COLEC12: variants seen among roughly 807,000 people sequenced by gnomAD.
COLEC12 encodes the protein collectin-12.
Under a neutral mutation model 71.1 loss-of-function variants are expected in COLEC12, and 33 were observed. The observed-to-expected ratio is 0.46, with a 90% CI of 0.35 to 0.62. The LOEUF is 0.62. Ranked by LOEUF, COLEC12 falls within the 20% of genes least tolerant of loss-of-function variation. COLEC12 has a pLI of 0.00. For missense variants in COLEC12, 765 were observed against 916.1 expected (o/e 0.84, Z 2.13); for synonymous variants, 350 against 353.0 (o/e 0.99, Z 0.10).
rs755623915 is a variant in COLEC12, at chr18:346,487, T to C, written c.1135A>G (p.Thr379Ala). The change falls in exon 5 of 10, where the codon ACA becomes GCA. Residue 379 changes from threonine to alanine, a missense_variant. Transcript: ENST00000400256. This position sits in a 1 kb window ranked among gnomAD's most constrained non-coding sequence, Gnocchi z 4.0. ...TTATTCAAGGAGGTCAGATCATCTG[T>C]GTGTTTGGTAAGGGTATCTGTGCAA... ...TTCTDTLTKH[T>A]DDLTSLNNTL... The C allele has an allele frequency of 9.3e-6, 15 of 1,614,124 alleles. 1 individual carries two copies. In the Admixed American group the frequency reaches 1.0e-4, roughly 11 times the overall value.
In COLEC12 at chr18:500,275, G is replaced by A. The variant is rs372455567; in HGVS notation, c.7+233C>T. Among the ~76,000 whole-genome samples the A allele has an allele frequency of 6.6e-6, 1 of 152,180 alleles. No individual in the cohort carries two copies. The highest frequency in any genetic ancestry group is 1.9e-4 in the East Asian group (1 of 5,166). On this transcript the variant is annotated intron_variant, in intron 1 of 9. Transcript: ENST00000400256. This position sits in a 1 kb window ranked among gnomAD's most constrained non-coding sequence, Gnocchi z 5.3. ...AAACTACTTGCAAAGACGCGATGGG[G>A]AGGGGAATACTTGCGCGCTTCAAAA...
At chr18:368,723 G>A (rs532795531) in intron 2 of COLEC12, among the ~76,000 whole-genome samples, 27 of 152,158 alleles carry the variant, frequency 1.8e-4, no homozygotes, top group Non-Finnish European at 2.2e-4. Flanking sequence ...AAAATTAGCC[G>A]GGCGTGGTGG....
intron 2 of COLEC12, among the ~76,000 whole-genome samples, chr18:364,461 C>T (rs1457034308): frequency 6.6e-6 from 1 of 152,200 alleles, no homozygotes; most frequent in African/African-American, 2.4e-5. Flanking sequence ...GTTGTCTCTC[C>T]TAGCTGGCCC....
At chr18:481,865 G>A (rs1917423584) in intron 1 of COLEC12, among the ~76,000 whole-genome samples, 2 of 152,232 alleles carry the variant, frequency 1.3e-5, no homozygotes, top group South Asian at 4.1e-4. Flanking sequence ...CAAGCACTGT[G>A]CAGACACAAT....
rs1301782455 is a variant in COLEC12, at chr18:346,947, C to A, written c.675G>T (p.Arg225=). The A allele has an allele frequency of 1.2e-6, 2 of 1,614,190 alleles. No individual in the cohort carries two copies. The highest frequency in any genetic ancestry group is 8.5e-7 in the Non-Finnish European group (1 of 1,180,016). ...TAGCCTGGCTTGTGTCATCCACAGA[C>A]CGCTGCAGATTCGTGATGAGGTTCC... ...QQRNLITNLQ[R]SVDDTSQAIQ... The change falls in exon 5 of 10, where the codon CGG becomes CGT. Residue 225 remains arginine (R), a synonymous_variant. Coordinates refer to ENST00000400256, the MANE Select transcript of COLEC12 (RefSeq NM_130386.3). This position sits in a 1 kb window ranked among gnomAD's most constrained non-coding sequence, Gnocchi z 4.0.
At chr18:393,103 C>T (rs974080302) in intron 2 of COLEC12, among the ~76,000 whole-genome samples, 15 of 152,220 alleles carry the variant, frequency 9.9e-5, no homozygotes, top group Non-Finnish European at 4.4e-5. Context: ...AAACAGCAGG[C>T]TTAGGCTGAA....
chr18:489,345 T>A (rs1917578375), intron 1 of COLEC12, among the ~76,000 whole-genome samples: 1 of 152,234 alleles, frequency 6.6e-6, no homozygotes, highest in East Asian at 1.9e-4. Context: ...AAAATGTACA[T>A]CCCACACACA....
At chr18:457,327 A>G (rs970277607) in intron 2 of COLEC12, among the ~76,000 whole-genome samples, 4 of 152,214 alleles carry the variant, frequency 2.6e-5, no homozygotes, top group Admixed American at 6.5e-5. Context: ...ATTCAGTTAC[A>G]GTGAAGAAAT....
Position 400,167 on chromosome 18 carries a change from G to A in COLEC12, c.59-42645C>T, listed in dbSNP as rs146228603. 9.2e-3 allele frequency among the ~76,000 whole-genome samples: 1,407 copies of A among 152,236 alleles called. 14 individuals carry two copies. Among genetic ancestry groups the A allele is most frequent in the Non-Finnish European group, 0.015 (1,020 of 68,020 alleles). ...GGATCTAGGAGATGGAAAGGGTCCT[G>A]AAAAATTCTAATCTGGATAATCTCT... On this transcript the variant is annotated intron_variant, in intron 2 of 9. Transcript: ENST00000400256.
At chr18:411,954 C>A (rs1915900566) in intron 2 of COLEC12, among the ~76,000 whole-genome samples, 1 of 152,076 alleles carries the variant, frequency 6.6e-6, no homozygotes. Context: ...AATAACAGAG[C>A]CTCAGGGATT....
intron 2 of COLEC12, among the ~76,000 whole-genome samples, chr18:479,192 T>C (rs1917361441): frequency 6.6e-6 from 1 of 152,058 alleles, no homozygotes; most frequent in Admixed American, 6.5e-5. Flanking sequence ...TACTGCTGCC[T>C]TCAGTGCGTC....
At chr18:444,859 T>C (rs1418780996) in intron 2 of COLEC12, among the ~76,000 whole-genome samples, 1 of 152,206 alleles carries the variant, frequency 6.6e-6, no homozygotes, top group Non-Finnish European at 1.5e-5. Context: ...CCTATAGTAA[T>C]TGCAGTTTCG....
rs915353789 is a variant in COLEC12, at chr18:319,742, T to C, written c.*303A>G. 5.1e-6 allele frequency: 2 copies of C among 394,622 alleles called. No individual in the cohort carries two copies. The highest frequency in any genetic ancestry group is 2.2e-5 in the African/African-American group (1 of 45,832). The allele number at this position is 394,622 out of a possible 1,614,324, so 24.4% of individuals were successfully genotyped here. A position where few individuals can be genotyped will look rare whatever the true frequency, so the allele number is the denominator to read the frequency against. ...ACGACCAATGATAACCTTTTTCTGA[T>C]TGGAGTGTTCCATACTTTGGAAGAC... On this transcript the variant is annotated 3_prime_UTR_variant, in exon 10 of 10. Coordinates refer to ENST00000400256, the MANE Select transcript of COLEC12 (RefSeq NM_130386.3).
intron 2 of COLEC12, among the ~76,000 whole-genome samples, chr18:441,116 C>A (rs188343749): frequency 2.3e-5 from 1 of 42,906 alleles, no homozygotes; most frequent in Admixed American, 2.9e-4. Flanking sequence ...GGCGTGGTGG[C>A]GGGCGCCTGT....
intron 3 of COLEC12, among the ~76,000 whole-genome samples, chr18:349,203 C>T (rs981596878): frequency 3.3e-5 from 5 of 152,206 alleles, no homozygotes; most frequent in African/African-American, 1.2e-4. Flanking sequence ...GCCCAGGGTC[C>T]CCATGCTGTG....
chr18:317,912 A>T lies in COLEC12; in HGVS notation c.*2133T>A. 1 of 152,024 alleles carries T rather than the reference A, an allele frequency of 6.6e-6. No homozygotes were observed. The highest frequency in any genetic ancestry group is 1.5e-5 in the Non-Finnish European group (1 of 68,048). The allele number at this position is 152,024 out of a possible 1,614,324, so 9.4% of individuals were successfully genotyped here. ...TGAAAACAGCATGAATGGGGAATGG[A>T]GACTGTGGGCAAAGCAGTACAGTCC... On this transcript the variant is annotated 3_prime_UTR_variant, in exon 10 of 10. Transcript: ENST00000400256.
At chr18:375,472 C>A (rs1453840619) in intron 2 of COLEC12, among the ~76,000 whole-genome samples, 1 of 152,206 alleles carries the variant, frequency 6.6e-6, no homozygotes, top group African/African-American at 2.4e-5. Flanking sequence ...ATGCCTCCAT[C>A]TCCCTTTCTT....
At position 346,478 on chromosome 18, in the gene COLEC12, G is replaced by A. The variant is rs745378220; in HGVS notation, c.1144C>T (p.Leu382=). 3.1e-6 allele frequency: 5 copies of A among 1,614,068 alleles called. No homozygotes were observed. In the African/African-American group the frequency reaches 6.7e-5, roughly 22 times the overall value. ...GCCAGGGTATTATTCAAGGAGGTCAGATCATCTGTGTGTTTGGTAAGGGTA... is the reference window on the plus strand; with the variant it reads ...GCCAGGGTATTATTCAAGGAGGTCAAATCATCTGTGTGTTTGGTAAGGGTA... The part of the protein sequence containing the change: ...TDTLTKHTDD[L]TSLNNTLANI... The change falls in exon 5 of 10, where the codon CTG becomes TTG. Residue 382 remains leucine (L), a synonymous_variant. Coordinates refer to ENST00000400256, the MANE Select transcript of COLEC12 (RefSeq NM_130386.3). The surrounding 1 kb of genome is among the most constrained non-coding windows in gnomAD (Gnocchi z 4.0).
intron 1 of COLEC12, among the ~76,000 whole-genome samples, chr18:494,567 G>A (rs1400989651): frequency 1.3e-5 from 2 of 152,048 alleles, no homozygotes; most frequent in East Asian, 1.9e-4. Flanking sequence ...CACACTCCTC[G>A]CCCAGCACAC....
Sources: allele counts gnomAD v4.1 joint callset (sites outside exome capture counted in the v4.1 genomes callset), GRCh38; gene constraint gnomAD v4.1.1; non-coding constraint Gnocchi (gnomAD v3.1); transcripts MANE v1.5; gene names NCBI Gene and HGNC (gene_info 2026-07-23, HGNC 2026-07-21).